TMTC1: variants seen among roughly 807,000 people sequenced by gnomAD.
The protein encoded by TMTC1 is transmembrane O-mannosyltransferase targeting cadherins 1, also known as protein O-mannosyl-transferase TMTC1.
TMTC1 carries 73 observed loss-of-function variants against 104.8 expected under a neutral mutation model. The observed-to-expected ratio is 0.70, with a 90% CI of 0.58 to 0.85. The LOEUF is 0.85. TMTC1 is among the 40% of genes least tolerant of loss of function. TMTC1 has a pLI of 0.00. For synonymous variants in TMTC1, 434 were observed against 428.7 expected (o/e 1.01, Z -0.15); for missense variants, 1,035 against 1,096.1 (o/e 0.94, Z 0.79).
rs373846853 is a variant in TMTC1, at chr12:29,717,221, A to G, written c.938+34445T>C. Among the ~76,000 whole-genome samples, 28 of 152,350 alleles carry G rather than the reference A, an allele frequency of 1.8e-4. No individual in the cohort carries two copies. In the East Asian group the frequency reaches 3.1e-3, roughly 17 times the overall value. ...GAAATTATACTCTTTGTAAATACTG[A>G]GCATTTACAACGAAAAATTTTAGGT... On this transcript the variant is annotated intron_variant, in intron 5 of 17. Transcript: ENST00000539277.
chr12:29,757,090 A>G (rs560085668), intron 3 of TMTC1, among the ~76,000 whole-genome samples: 1 of 152,378 alleles, frequency 6.6e-6, no homozygotes, highest in South Asian at 2.1e-4. Flanking sequence ...TTATATTTTC[A>G]GATTTCATAA....
chr12:29,643,355 C>T (rs1938954126), intron 5 of TMTC1, among the ~76,000 whole-genome samples: 2 of 132,142 alleles, frequency 1.5e-5, no homozygotes, highest in African/African-American at 5.7e-5. Flanking sequence ...ATGTTTATAG[C>T]AGCACAATTC....
chr12:29,523,037 G>T (rs3850964), intron 11 of TMTC1, among the ~76,000 whole-genome samples: 2 of 151,946 alleles, frequency 1.3e-5, no homozygotes, highest in South Asian at 4.1e-4. Flanking sequence ...GAATTGGGGA[G>T]CCCTGAATAA....
At chr12:29,528,775 T>G (rs903139989) in intron 11 of TMTC1, among the ~76,000 whole-genome samples, 3 of 152,142 alleles carry the variant, frequency 2.0e-5, no homozygotes, top group African/African-American at 7.2e-5. Flanking sequence ...CAAAGAACTT[T>G]CCATTTATGT....
chr12:29,776,080 C>T (rs962422501), intron 1 of TMTC1, among the ~76,000 whole-genome samples: 7 of 152,156 alleles, frequency 4.6e-5, no homozygotes, highest in African/African-American at 1.4e-4. Context: ...CAAGGCCATT[C>T]CTTATAGAAA....
At chr12:29,507,212 G>C (rs867659120) in intron 17 of TMTC1, among the ~76,000 whole-genome samples, 2 of 152,274 alleles carry the variant, frequency 1.3e-5, no homozygotes, top group South Asian at 2.1e-4. Flanking sequence ...GAGTTATACT[G>C]TAAGGATAAA....
chr12:29,515,388 C>G (rs148041044), intron 15 of TMTC1, among the ~76,000 whole-genome samples: 1 of 152,136 alleles, frequency 6.6e-6, no homozygotes, highest in African/African-American at 2.4e-5. Flanking sequence ...TTGGCCTGGC[C>G]CCAAGGAGTC....
At chr12:29,587,812 C>T (rs1198016598) in intron 7 of TMTC1, among the ~76,000 whole-genome samples, 1 of 152,116 alleles carries the variant, frequency 6.6e-6, no homozygotes, top group Non-Finnish European at 1.5e-5. Context: ...AGGCACTAAA[C>T]ATATATTTAT....
chr12:29,585,537 T>A (rs1297596315), intron 7 of TMTC1, among the ~76,000 whole-genome samples: 2 of 152,218 alleles, frequency 1.3e-5, no homozygotes, highest in African/African-American at 2.4e-5. Context: ...CTGAATGGTA[T>A]TGCCTAGGTT....
At position 29,738,851 on chromosome 12, in the gene TMTC1, C is replaced by G. The variant is rs140677864; in HGVS notation, c.938+12815G>C. On this transcript the variant is annotated intron_variant, in intron 5 of 17. Coordinates refer to ENST00000539277, the MANE Select transcript of TMTC1 (RefSeq NM_001193451.2). ...TTCCCTCTATCATGGGCTAAGAAAA[C>G]AAATGCACTCAAGGCTCCTGTTACC... Among the ~76,000 whole-genome samples the G allele has an allele frequency of 8.7e-3, 1,320 of 152,184 alleles. 27 individuals are homozygous for G. Among genetic ancestry groups the G allele is most frequent in the African/African-American group, 0.03 (1,256 of 41,538 alleles).
intron 11 of TMTC1, among the ~76,000 whole-genome samples, chr12:29,532,373 G>T (rs1186288754): frequency 6.6e-6 from 1 of 151,914 alleles, no homozygotes; most frequent in Non-Finnish European, 1.5e-5. Flanking sequence ...ATTAGGAAAT[G>T]ATTCAAAATA....
chr12:29,557,313 C>T, intron 9 of TMTC1, among the ~76,000 whole-genome samples: 1 of 152,182 alleles, frequency 6.6e-6, no homozygotes, highest in East Asian at 1.9e-4. Flanking sequence ...ATCCTCCTTG[C>T]CTCAGGTGCT....
intron 6 of TMTC1, among the ~76,000 whole-genome samples, chr12:29,618,518 C>G (rs763259880): frequency 2.6e-5 from 4 of 151,972 alleles, no homozygotes; most frequent in Admixed American, 6.6e-5. Flanking sequence ...TATGCTTCCT[C>G]CTTAGGCAAT....
Position 29,583,435 on chromosome 12 carries a change from T to C in TMTC1, c.1390A>G (p.Ile464Val). 1.2e-6 allele frequency: 2 copies of C among 1,613,904 alleles called. No homozygotes were observed. Among genetic ancestry groups the C allele is most frequent in the South Asian group, 1.1e-5 (1 of 91,082 alleles). ...AATAGGGACTCTCTTGACAGCCAAA[T>C]TTCATTCTGTTTCACAGTTTTCCAA... ...FSWKTVKQNE[I>V]WLSRESLFRS... Residue 464 changes from isoleucine to valine, a missense_variant, in exon 8 of 18, where the codon ATT (isoleucine) becomes GTT (valine). Ile to Val is a conservative substitution (Grantham distance 29). Transcript: ENST00000539277.
At chr12:29,510,311 A>G (rs1043242224) in intron 17 of TMTC1, among the ~76,000 whole-genome samples, 1 of 152,204 alleles carries the variant, frequency 6.6e-6, no homozygotes, top group Non-Finnish European at 1.5e-5. Context: ...CGGTATTATA[A>G]TCTTATGAGA....
chr12:29,715,990 T>G (rs1409569000), intron 5 of TMTC1, among the ~76,000 whole-genome samples: 2 of 25,180 alleles, frequency 7.9e-5, no homozygotes, highest in Non-Finnish European at 1.5e-4. Context: ...AAACTCAGTA[T>G]TATTATTATT....
In TMTC1 at chr12:29,768,089, GAAAAAAGA is replaced by G. The variant is rs1943513737; in HGVS notation, c.303-22_303-15del. The G allele has an allele frequency of 5.3e-6, 8 of 1,514,588 alleles. No homozygotes were observed. The allele number at this position is 1,514,588 out of a possible 1,614,324, so 93.8% of individuals were successfully genotyped here. ...AATATGTTTAGCCTGTAAAACAAAA[GAAAAAAGA>G]AAAAAACTGCATTAGCTACAAACTC... On this transcript the variant is annotated splice_polypyrimidine_tract_variant and intron_variant, in intron 1 of 17. Transcript: ENST00000539277.
intron 8 of TMTC1, among the ~76,000 whole-genome samples, chr12:29,572,562 T>C (rs1399464835): frequency 4.6e-5 from 7 of 152,168 alleles, no homozygotes; most frequent in Admixed American, 4.6e-4. Context: ...GAGGCTTTTT[T>C]TTGGGAGCAT....
At position 29,501,975 on chromosome 12, in the gene TMTC1, G is replaced by T. The variant is rs151332410; in HGVS notation, c.*4871C>A. ...TTGAGGGAAATAATATTTTTTGGAA[G>T]AACTATTCAGCATATTTTCCTTTTG... On this transcript the variant is annotated 3_prime_UTR_variant, in exon 18 of 18. Coordinates refer to ENST00000539277, the MANE Select transcript of TMTC1 (RefSeq NM_001193451.2). 3 of 151,994 alleles carry T rather than the reference G, an allele frequency of 2.0e-5. No homozygotes were observed. Among genetic ancestry groups the T allele is most frequent in the Non-Finnish European group, 4.4e-5 (3 of 67,980 alleles). The allele number at this position is 151,994 out of a possible 1,614,324, so 9.4% of individuals were successfully genotyped here. A position where few individuals can be genotyped will look rare whatever the true frequency, so the allele number is the denominator to read the frequency against.
Sources: allele counts gnomAD v4.1 joint callset (sites outside exome capture counted in the v4.1 genomes callset), GRCh38; gene constraint gnomAD v4.1.1; transcripts MANE v1.5; gene names NCBI Gene and HGNC (gene_info 2026-07-23, HGNC 2026-07-21).